CNTNAP2: variants seen among roughly 807,000 people sequenced by gnomAD.
CNTNAP2 encodes the protein contactin associated protein 2, also known as contactin-associated protein-like 2.
Under a neutral mutation model 155.2 loss-of-function variants are expected in CNTNAP2, and 98 were observed. That is an observed-to-expected ratio of 0.63 (90% CI 0.54 to 0.75). The LOEUF (loss-of-function observed/expected upper bound fraction) is 0.75, where lower values mean the gene tolerates loss of function less well. Ranked by LOEUF, CNTNAP2 falls within the 30% of genes least tolerant of loss-of-function variation. CNTNAP2 has a pLI of 0.00. For synonymous variants in CNTNAP2, 651 were observed against 631.2 expected (o/e 1.03, Z -0.47); for missense variants, 1,727 against 1,688.1 (o/e 1.02, Z -0.40).
At chr7:146,873,464 A>T (rs897019861) in intron 3 of CNTNAP2, among the ~76,000 whole-genome samples, 1 of 152,178 alleles carries the variant, frequency 6.6e-6, no homozygotes, top group African/African-American at 2.4e-5. Flanking sequence ...ATATAATGAC[A>T]TTAATTACTT....
chr7:146,277,388 CT>C (rs1800181460), intron 1 of CNTNAP2, among the ~76,000 whole-genome samples: 1 of 152,128 alleles, frequency 6.6e-6, no homozygotes, highest in African/African-American at 2.4e-5. Context: ...CTTGCAACCA[CT>C]GATGTTACAT....
At chr7:146,592,421 C>T (rs1798796876) in intron 1 of CNTNAP2, among the ~76,000 whole-genome samples, 1 of 152,178 alleles carries the variant, frequency 6.6e-6, no homozygotes, top group Non-Finnish European at 1.5e-5. Context: ...GCACTGTATG[C>T]CTGCCTGCTT....
intron 11 of CNTNAP2, among the ~76,000 whole-genome samples, chr7:147,546,903 T>C (rs764603627): frequency 6.6e-6 from 1 of 152,148 alleles, no homozygotes; most frequent in African/African-American, 2.4e-5. Flanking sequence ...TGAGGCCACA[T>C]CAATTTCTGA....
intron 14 of CNTNAP2, among the ~76,000 whole-genome samples, chr7:147,949,959 G>A (rs1195536512): frequency 1.3e-5 from 2 of 152,094 alleles, no homozygotes; most frequent in South Asian, 2.1e-4. Context: ...CATTTACTTC[G>A]GGCACAAGGC....
chr7:147,997,807 C>A (rs1801832102), intron 15 of CNTNAP2, among the ~76,000 whole-genome samples: 1 of 152,076 alleles, frequency 6.6e-6, no homozygotes, highest in South Asian at 2.1e-4. Context: ...TAAGCATGTT[C>A]TGGGTGGTTC....
At chr7:146,945,124 A>G (rs1797136287) in intron 3 of CNTNAP2, among the ~76,000 whole-genome samples, 1 of 152,176 alleles carries the variant, frequency 6.6e-6, no homozygotes, top group Admixed American at 6.5e-5. Flanking sequence ...TTTATTTCTC[A>G]TTGTGATCAT....
chr7:148,202,251 C>T (rs963558516), intron 18 of CNTNAP2, among the ~76,000 whole-genome samples: 10 of 152,132 alleles, frequency 6.6e-5, no homozygotes, highest in Non-Finnish European at 8.8e-5. Flanking sequence ...AGGCTTGGCA[C>T]GCACATCACT....
chr7:147,793,119 T>C (rs1271788204), intron 13 of CNTNAP2, among the ~76,000 whole-genome samples: 4 of 152,286 alleles, frequency 2.6e-5, no homozygotes, highest in East Asian at 3.9e-4. Flanking sequence ...TTTCAAAAAA[T>C]TTATCATCTG....
At chr7:148,190,745 G>A (rs1412890858) in intron 18 of CNTNAP2, 2 of 147,288 alleles carry the variant, frequency 1.4e-5, no homozygotes, top group Non-Finnish European at 3.0e-5. Flanking sequence ...TGGGAGGCTG[G>A]AGCCCTCAGA....
chr7:148,256,678 C>T lies in CNTNAP2; in HGVS notation c.3382-10355C>T, dbSNP rs150048831. 2.9e-3 allele frequency among the ~76,000 whole-genome samples: 440 copies of T among 152,244 alleles called. 1 individual carries two copies. Among genetic ancestry groups the T allele is most frequent in the African/African-American group, 9.8e-3 (408 of 41,554 alleles). On this transcript the variant is annotated intron_variant, in intron 20 of 23. Transcript: ENST00000361727. ...TTTGGAGAGAGCCCCAGCTCCCATG[C>T]GCAGGGGATTTTCTGTCCTAGAAAG... is the stretch of plus-strand genomic sequence containing the variant.
chr7:148,357,717 C>T lies in CNTNAP2; in HGVS notation c.3476-25932C>T, dbSNP rs191899535. 6.2e-4 allele frequency among the ~76,000 whole-genome samples: 95 copies of T among 152,234 alleles called. 1 individual carries two copies. Among genetic ancestry groups the T allele is most frequent in the African/African-American group, 2.2e-3 (92 of 41,478 alleles). ...TTTCTCTGTGCCTCACAGTGCCAAGCACAGGGCCTTTTGTATAGAGCATAC... is the reference window on the plus strand; with the variant it reads ...TTTCTCTGTGCCTCACAGTGCCAAGTACAGGGCCTTTTGTATAGAGCATAC... On this transcript the variant is annotated intron_variant, in intron 21 of 23. Transcript: ENST00000361727.
At chr7:148,114,732 C>T (rs1000352193) in intron 15 of CNTNAP2, among the ~76,000 whole-genome samples, 8 of 152,172 alleles carry the variant, frequency 5.3e-5, no homozygotes, top group Non-Finnish European at 1.2e-4. Context: ...AGTCCACATC[C>T]CATTAAGCAT....
At chr7:147,074,466 A>G (rs1315330486) in intron 4 of CNTNAP2, among the ~76,000 whole-genome samples, 1 of 152,150 alleles carries the variant, frequency 6.6e-6, no homozygotes, top group Admixed American at 6.6e-5. Flanking sequence ...ATGGTTGACC[A>G]GTTAGCATTT....
At chr7:147,928,156 C>CGTGATTTAATTGTGATTAAATT (rs1405290645) in intron 14 of CNTNAP2, among the ~76,000 whole-genome samples, 2 of 152,094 alleles carry the variant, frequency 1.3e-5, no homozygotes, top group African/African-American at 4.8e-5. Flanking sequence ...CACCTTCCAC[C>CGTGATTTAATTGTGATTAAATT]GTGATTGTGA....
chr7:146,916,723 TCTCA>T (rs775390999), intron 3 of CNTNAP2, among the ~76,000 whole-genome samples: 1 of 152,170 alleles, frequency 6.6e-6, no homozygotes, highest in South Asian at 2.1e-4. Context: ...TTTTGGTTAA[TCTCA>T]CTAATAGTCT....
intron 10 of CNTNAP2, among the ~76,000 whole-genome samples, chr7:147,403,669 G>A (rs973355276): frequency 1.3e-5 from 2 of 152,030 alleles, no homozygotes; most frequent in Non-Finnish European, 2.9e-5. Flanking sequence ...CCAATCAAAA[G>A]CTACTTGGTT....
At chr7:148,127,436 C>T (rs1454464233) in intron 16 of CNTNAP2, among the ~76,000 whole-genome samples, 1 of 152,076 alleles carries the variant, frequency 6.6e-6, no homozygotes, top group Admixed American at 6.5e-5. Flanking sequence ...TTCCATGTTG[C>T]CCAAGTTTGA....
At chr7:147,873,572 C>A (rs1391742650) in intron 13 of CNTNAP2, among the ~76,000 whole-genome samples, 3 of 152,162 alleles carry the variant, frequency 2.0e-5, no homozygotes, top group Non-Finnish European at 2.9e-5. Flanking sequence ...CCCACAGGGT[C>A]CCTCCCACAA....
chr7:146,617,490 C>T (rs1364531421), intron 1 of CNTNAP2, among the ~76,000 whole-genome samples: 2 of 151,690 alleles, frequency 1.3e-5, no homozygotes, highest in African/African-American at 4.9e-5. Flanking sequence ...ATTCATAATT[C>T]TATGACTCAT....
Sources: allele counts gnomAD v4.1 joint callset (sites outside exome capture counted in the v4.1 genomes callset), GRCh38; gene constraint gnomAD v4.1.1; transcripts MANE v1.5; gene names NCBI Gene and HGNC (gene_info 2026-07-23, HGNC 2026-07-21).